The following COL24A1 variants were observed in gnomAD, a reference collection of about 807,000 sequenced individuals.
The protein encoded by COL24A1 is collagen alpha-1(XXIV) chain.
In COL24A1, 224 loss-of-function variants were observed where a neutral mutation model predicts 253.9. The ratio of observed to expected loss-of-function variants is 0.88; its 90% CI spans 0.79 to 0.99. COL24A1 has a LOEUF of 0.99. Ranked by LOEUF, COL24A1 falls within the 50% of genes least tolerant of loss-of-function variation. The pLI, the probability that COL24A1 is intolerant of heterozygous loss-of-function variation, is 0.00. For synonymous variants in COL24A1, 685 were observed against 673.7 expected (o/e 1.02, Z -0.26); for missense variants, 2,131 against 2,068.5 (o/e 1.03, Z -0.59).
At chr1:86,110,410 C>T (rs1705430031) in intron 5 of COL24A1, among the ~76,000 whole-genome samples, 1 of 152,064 alleles carries the variant, frequency 6.6e-6, no homozygotes, top group East Asian at 1.9e-4. Flanking sequence ...ATGCTAGCAG[C>T]CCTCGCTTGC....
intron 2 of COL24A1, among the ~76,000 whole-genome samples, chr1:86,127,980 A>C (rs889665483): frequency 6.6e-6 from 1 of 152,092 alleles, no homozygotes; most frequent in Non-Finnish European, 1.5e-5. Flanking sequence ...TTGTAATTTC[A>C]TGACATTTTT....
chr1:86,022,543 C>T lies in COL24A1; in HGVS notation c.2197G>A (p.Asp733Asn). The T allele has an allele frequency of 6.2e-7, 1 of 1,611,558 alleles. No individual in the cohort carries two copies. The highest frequency in any genetic ancestry group is 8.5e-7 in the Non-Finnish European group (1 of 1,178,944). Residue 733 changes from aspartate to asparagine, a missense_variant, in exon 17 of 60, where the codon GAC (aspartate) becomes AAC (asparagine). By Grantham distance (23) the Asp-to-Asn change is conservative. Transcript: ENST00000370571. ...ATTAATGGTATAAACATTACCTTGT[C>T]TCCAGGATACCCGGGTTCTCCTAGC... The part of the protein sequence containing the change: ...GELGEPGYPG[D>N]KGAVGLPGPP...
At chr1:85,858,534 G>A (rs905708121) in intron 37 of COL24A1, among the ~76,000 whole-genome samples, 2 of 151,946 alleles carry the variant, frequency 1.3e-5, no homozygotes, top group African/African-American at 2.4e-5. Context: ...GCAGCCTCAG[G>A]TAGTACTTCT....
intron 24 of COL24A1, among the ~76,000 whole-genome samples, chr1:85,946,444 G>T (rs1689334655): frequency 6.6e-6 from 1 of 152,178 alleles, no homozygotes; most frequent in Non-Finnish European, 1.5e-5. Context: ...GAACCTGGGA[G>T]TGACTTGGGG....
At chr1:86,060,577 T>A (rs1701012207) in intron 8 of COL24A1, among the ~76,000 whole-genome samples, 1 of 152,108 alleles carries the variant, frequency 6.6e-6, no homozygotes, top group African/African-American at 2.4e-5. Context: ...TTTTCAGAAT[T>A]CATCTCTCAC....
intron 19 of COL24A1, among the ~76,000 whole-genome samples, chr1:85,987,965 A>G (rs1263126822): frequency 6.6e-6 from 1 of 151,904 alleles, no homozygotes; most frequent in Admixed American, 6.6e-5. Context: ...GGTGTATGAC[A>G]TGTTCTTTCA....
chr1:86,115,242 T>C (rs1706024758), intron 4 of COL24A1, 83 bp downstream of exon 4: 5 of 1,393,218 alleles, frequency 3.6e-6, no homozygotes, highest in African/African-American at 1.4e-5. Flanking sequence ...CCAAAGGAAG[T>C]ACATACTGTA....
At chr1:85,907,141 T>C in intron 28 of COL24A1, 53 bp downstream of exon 28, 1 of 1,407,634 alleles carries the variant, frequency 7.1e-7, no homozygotes, top group Non-Finnish European at 1.0e-6. Flanking sequence ...TTTTCCACTA[T>C]TTATGAAGTA....
intron 24 of COL24A1, among the ~76,000 whole-genome samples, chr1:85,926,700 G>A (rs1423979249): frequency 6.6e-6 from 1 of 152,054 alleles, no homozygotes; most frequent in Non-Finnish European, 1.5e-5. Flanking sequence ...ATAGAATTAG[G>A]AGAAATACCT....
chr1:85,822,844 C>T lies in COL24A1; in HGVS notation c.3789+692G>A, dbSNP rs1225494952. On this transcript the variant is annotated intron_variant, in intron 45 of 59. Coordinates refer to ENST00000370571, the MANE Select transcript of COL24A1 (RefSeq NM_152890.7). ...AACTGGGTTCCTCATCCTCTACCAT[C>T]CCCCAGTTGATGTCTGATTATCCCA... 5.3e-5 allele frequency among the ~76,000 whole-genome samples: 8 copies of T among 152,306 alleles called. No individual in the cohort carries two copies. The East Asian group carries it at 1.5e-3, about 29-fold the overall frequency.
At chr1:85,790,092 T>C (rs1670104915) in intron 47 of COL24A1, among the ~76,000 whole-genome samples, 1 of 152,228 alleles carries the variant, frequency 6.6e-6, no homozygotes, top group Admixed American at 6.5e-5. Context: ...AGTCTCTTCT[T>C]TTCAATTGTT....
intron 22 of COL24A1, 66 bp downstream of exon 22, chr1:85,970,161 A>G: frequency 7.2e-7 from 1 of 1,385,294 alleles, no homozygotes; most frequent in Non-Finnish European, 9.8e-7. Flanking sequence ...TATGATGTTA[A>G]AAACATTTAT....
At chr1:86,079,193 A>G (rs1702457747) in intron 7 of COL24A1, among the ~76,000 whole-genome samples, 1 of 152,192 alleles carries the variant, frequency 6.6e-6, no homozygotes, top group African/African-American at 2.4e-5. Context: ...TGCCAAGAAC[A>G]GACATTGAGG....
At chr1:85,949,834 A>G (rs1190370311) in intron 24 of COL24A1, among the ~76,000 whole-genome samples, 2 of 152,164 alleles carry the variant, frequency 1.3e-5, no homozygotes, top group African/African-American at 2.4e-5. Flanking sequence ...TGTAGATGGC[A>G]TATATACAGG....
intron 24 of COL24A1, among the ~76,000 whole-genome samples, chr1:85,944,591 A>G (rs1349424858): frequency 1.5e-5 from 1 of 68,318 alleles, no homozygotes; most frequent in Non-Finnish European, 3.0e-5. Flanking sequence ...TAGAGAAGAG[A>G]CTCTTTTTTT....
chr1:86,120,250 A>C (rs1319523198), intron 3 of COL24A1, among the ~76,000 whole-genome samples: 1 of 152,256 alleles, frequency 6.6e-6, no homozygotes, highest in Non-Finnish European at 1.5e-5. Context: ...TTCATGACTT[A>C]AACACAAAAG....
intron 47 of COL24A1, among the ~76,000 whole-genome samples, chr1:85,808,226 C>T (rs1381504408): frequency 1.3e-5 from 2 of 152,170 alleles, no homozygotes; most frequent in Non-Finnish European, 2.9e-5. Context: ...CCATAAAGGC[C>T]TGAAAGATAC....
intron 8 of COL24A1, among the ~76,000 whole-genome samples, chr1:86,060,039 A>G (rs1700965849): frequency 6.6e-6 from 1 of 152,130 alleles, no homozygotes; most frequent in South Asian, 2.1e-4. Flanking sequence ...TGACTTAGAC[A>G]GATGGTAAAC....
intron 20 of COL24A1, among the ~76,000 whole-genome samples, chr1:85,986,459 T>C (rs1693730751): frequency 6.6e-6 from 1 of 151,838 alleles, no homozygotes; most frequent in Non-Finnish European, 1.5e-5. Context: ...GATGCCCGTC[T>C]GATGAAGCAG....
Sources: allele counts gnomAD v4.1 joint callset (sites outside exome capture counted in the v4.1 genomes callset), GRCh38; gene constraint gnomAD v4.1.1; transcripts MANE v1.5; gene names NCBI Gene and HGNC (gene_info 2026-07-23, HGNC 2026-07-21).